Variants in SLC7A7 observed in about 807,000 individuals in gnomAD.
SLC7A7 encodes the protein solute carrier family 7 member 7.
Under a neutral mutation model 47.9 loss-of-function variants are expected in SLC7A7, and 39 were observed. That is an observed-to-expected ratio of 0.81 (90% CI 0.63 to 1.06). The LOEUF is 1.06. Ranked by LOEUF, SLC7A7 falls within the 50% of genes least tolerant of loss-of-function variation. The probability of loss-of-function intolerance (pLI) is 0.00; values close to 1 mark genes in which losing one functional copy is unlikely to be tolerated. For missense variants in SLC7A7, 588 were observed against 632.0 expected (o/e 0.93, Z 0.75); for synonymous variants, 234 against 242.8 (o/e 0.96, Z 0.34).
Position 22,779,954 on chromosome 14 carries a change from G to A in SLC7A7, c.597C>T (p.Ile199=), listed in dbSNP as rs756887684. The A allele has an allele frequency of 2.7e-5, 44 of 1,613,964 alleles. No homozygotes were observed. The highest frequency in any genetic ancestry group is 2.3e-4 in the Admixed American group (14 of 59,990). The part of the protein sequence containing the change: ...YAKVLALIAV[I]VAGIVRLGQG... ...GGCCAAGTCTAACAATGCCTGCAAC[G>A]ATGACCGCGATCAGTGCCAATACTT... is the stretch of plus-strand genomic sequence containing the variant. The change falls in exon 3 of 10, where the codon ATC becomes ATT. Residue 199 remains isoleucine (I), a synonymous_variant. Coordinates refer to ENST00000674313, the MANE Select transcript of SLC7A7 (RefSeq NM_003982.4).
At chr14:22,774,840 C>A (rs1035690329) in intron 7 of SLC7A7, among the ~76,000 whole-genome samples, 1 of 152,138 alleles carries the variant, frequency 6.6e-6, no homozygotes, top group South Asian at 2.1e-4. Flanking sequence ...TATCCCTGTT[C>A]TGAAAATCCA....
chr14:22,776,118 C>T, intron 5 of SLC7A7, 77 bp downstream of exon 5: 4 of 1,598,262 alleles, frequency 2.5e-6, no homozygotes, highest in Non-Finnish European at 3.4e-6. Flanking sequence ...TACCCCCTTT[C>T]CAGGACTTTC....
rs201305817 is a variant in SLC7A7, at chr14:22,774,388, C to T, written c.1211G>A (p.Arg404His). The T allele has an allele frequency of 5.0e-5, 80 of 1,613,988 alleles. No individual in the cohort carries two copies. The highest frequency in any genetic ancestry group is 6.4e-5 in the Non-Finnish European group (76 of 1,180,014). ...GLSIVGQLYL[R>H]WKEPDRPRPL... is the part of the protein sequence containing the mutation. Reference sequence around the variant, plus strand: ...ACGAGGTCGATCAGGCTCCTTCCAGCGCAGATAAAGCTGACCCACAATAGA... The same window carrying T: ...ACGAGGTCGATCAGGCTCCTTCCAGTGCAGATAAAGCTGACCCACAATAGA... Residue 404 changes from arginine (R) to histidine (H), a missense_variant, in exon 8 of 10, where the codon CGC (arginine) becomes CAC (histidine). Transcript: ENST00000674313.
At chr14:22,775,221 C>G (rs2038576530) in intron 7 of SLC7A7, among the ~76,000 whole-genome samples, 1 of 140,770 alleles carries the variant, frequency 7.1e-6, no homozygotes, top group Admixed American at 8.1e-5. Flanking sequence ...ATTCCATGTA[C>G]TTTTTGCCTT....
At chr14:22,796,541 G>A (rs1314667670) in intron 2 of SLC7A7, among the ~76,000 whole-genome samples, 1 of 152,316 alleles carries the variant, frequency 6.6e-6, no homozygotes, top group East Asian at 1.9e-4. Context: ...TGTATGACAC[G>A]AAGAATCTTT....
chr14:22,775,559 G>C lies in SLC7A7; in HGVS notation c.999-19C>G. The C allele has an allele frequency of 6.2e-7, 1 of 1,608,230 alleles. No individual in the cohort carries two copies. On this transcript the variant is annotated intron_variant, in intron 6 of 9. Coordinates refer to ENST00000674313, the MANE Select transcript of SLC7A7 (RefSeq NM_003982.4). ...GAAAAGCCTATGTTAGGTAAGATAG[G>C]AGAAGCTGAGAAAATTGGTGGACAC...
At chr14:22,817,599 C>G (rs527650857), upstream of SLC7A7, among the ~76,000 whole-genome samples, 4 of 152,298 alleles carry the variant, frequency 2.6e-5, no homozygotes, top group South Asian at 8.3e-4. Context: ...CCTCGGCCTC[C>G]CAAAGTGCTA....
At position 22,813,385 on chromosome 14, in the gene SLC7A7, G is replaced by C. The variant is rs386833792; in HGVS notation, c.14C>G (p.Thr5Ser). The C allele has an allele frequency of 6.2e-7, 1 of 1,612,406 alleles. No homozygotes were observed. Among genetic ancestry groups the C allele is most frequent in the Non-Finnish European group, 8.5e-7 (1 of 1,180,014 alleles). The change falls in exon 2 of 10, where the codon ACT (threonine) becomes AGT (serine). Residue 5 changes from threonine (T) to serine (S), a missense_variant. Thr to Ser is a moderately conservative substitution (Grantham distance 58). Transcript: ENST00000674313. The stretch of plus-strand genomic sequence containing the variant: ...AGGCTGGGAGGCCACTTCATACTCA[G>C]TGCTGTCAACCATGGTGGAGGAGAG... MVDS[T>S]EYEVASQPEV...
In SLC7A7 at chr14:22,774,049, C is replaced by T; in HGVS notation, c.1313G>A (p.Ser438Asn). The T allele has an allele frequency of 6.2e-7, 1 of 1,614,122 alleles. No homozygotes were observed. Among genetic ancestry groups the T allele is most frequent in the Non-Finnish European group, 8.5e-7 (1 of 1,180,034 alleles). ...GCCGATGAGGGAGTTGATAGTATCA[C>T]TGTAAAGTGGAACAGCCACCAGGAA... ...TIFLVAVPLY[S>N]DTINSLIGIA... is the part of the protein sequence containing the mutation. Residue 438 changes from serine (S) to asparagine (N), a missense_variant, in exon 9 of 10, where the codon AGT becomes AAT. Ser to Asn is a conservative substitution (Grantham distance 46). Coordinates refer to ENST00000674313, the MANE Select transcript of SLC7A7 (RefSeq NM_003982.4).
chr14:22,805,473 T>G (rs2039185396), intron 2 of SLC7A7, among the ~76,000 whole-genome samples: 1 of 152,178 alleles, frequency 6.6e-6, no homozygotes, highest in Non-Finnish European at 1.5e-5. Flanking sequence ...GGGACATGGA[T>G]GAAACTGGAA....
intron 2 of SLC7A7, among the ~76,000 whole-genome samples, chr14:22,788,530 C>T (rs945893190): frequency 1.3e-5 from 2 of 151,822 alleles, no homozygotes; most frequent in African/African-American, 2.4e-5. Context: ...TGGTGAAACC[C>T]CCGTCTCTAC....
upstream of SLC7A7, chr14:22,815,983 G>C: frequency 3.8e-6 from 1 of 262,202 alleles, no homozygotes; most frequent in South Asian, 4.1e-5. Flanking sequence ...AAGAGAGACT[G>C]GGGGGTTGCC....
rs2038523738 is a variant in SLC7A7 at position 22,773,655 on chromosome 14, T to C, written c.1491A>G (p.Glu497=). Residue 497 remains glutamate, a synonymous_variant, in exon 10 of 10, where the codon GAA becomes GAG. Transcript: ENST00000674313. ...GTTGCTTGGGCATCTCTCCTCCATC[T>C]TCCAAATCCATTTCTGCAGCAACTG... ...CMSVAAEMDL[E]DGGEMPKQRD... 2 of 1,614,042 alleles carry C rather than the reference T, an allele frequency of 1.2e-6. No individual in the cohort carries two copies. The highest frequency in any genetic ancestry group is 1.1e-5 in the South Asian group (1 of 91,088).
At chr14:22,773,864 T>C (rs2038531508) in intron 9 of SLC7A7, 69 bp downstream of exon 9, 4 of 1,599,130 alleles carry the variant, frequency 2.5e-6, no homozygotes, top group Middle Eastern at 2.1e-4. Context: ...CTTTGGAGGC[T>C]GGATTTACAG....
intron 2 of SLC7A7, among the ~76,000 whole-genome samples, chr14:22,781,858 A>T (rs562121446): frequency 1.3e-5 from 2 of 152,300 alleles, no homozygotes; most frequent in South Asian, 4.1e-4. Flanking sequence ...GGAAAATGGG[A>T]TCCCCAAATA....
At chr14:22,774,249 C>T in intron 8 of SLC7A7, 105 bp downstream of exon 8, 1 of 1,599,116 alleles carries the variant, frequency 6.3e-7, no homozygotes, top group Non-Finnish European at 8.6e-7. Flanking sequence ...TACTAACGAC[C>T]AAGTCCCAGG....
intron 7 of SLC7A7, among the ~76,000 whole-genome samples, 154 bp from the exon 8 acceptor site, chr14:22,774,657 A>C (rs2038560582): frequency 6.6e-6 from 1 of 152,072 alleles, no homozygotes; most frequent in Non-Finnish European, 1.5e-5. Flanking sequence ...TAGTTTCAGT[A>C]CCTTATCCCC....
intron 2 of SLC7A7, among the ~76,000 whole-genome samples, chr14:22,797,614 A>C (rs1012059377): frequency 3.9e-5 from 6 of 152,046 alleles, no homozygotes; most frequent in Non-Finnish European, 7.4e-5. Flanking sequence ...GCAGGCAAGC[A>C]CCAGGATCAC....
rs571127945 is a variant in SLC7A7, at chr14:22,804,771, T to A, written c.499+8129A>T. 9.2e-5 allele frequency among the ~76,000 whole-genome samples: 14 copies of A among 151,374 alleles called. No homozygotes were observed. The East Asian group carries it at 1.8e-3, about 19-fold the overall frequency. On this transcript the variant is annotated intron_variant, in intron 2 of 9. Coordinates refer to ENST00000674313, the MANE Select transcript of SLC7A7 (RefSeq NM_003982.4). Reference sequence around the variant, plus strand: ...ACTTCGGGAGGCTGAGGCAGGTGGATCACCTGAGGTCAGTAGTTCAAGACC... The same window carrying A: ...ACTTCGGGAGGCTGAGGCAGGTGGAACACCTGAGGTCAGTAGTTCAAGACC...
Sources: gnomAD v4.1 joint callset for allele counts (sites outside exome capture counted in the v4.1 genomes callset) on GRCh38, gnomAD v4.1.1 for gene constraint, MANE v1.5 for transcripts, NCBI Gene and HGNC (gene_info 2026-07-23, HGNC 2026-07-21) for gene names.